RETREG2: variants seen among roughly 807,000 people sequenced by gnomAD.
RETREG2 encodes the protein reticulophagy regulator family member 2.
Under a neutral mutation model 51.6 loss-of-function variants are expected in RETREG2, and 21 were observed. The ratio of observed to expected loss-of-function variants is 0.41; its 90% CI spans 0.29 to 0.59. RETREG2 has a LOEUF of 0.59. Ranked by LOEUF, RETREG2 falls within the 20% of genes least tolerant of loss-of-function variation. RETREG2 has a pLI of 0.34. For synonymous variants in RETREG2, 339 were observed against 288.6 expected (o/e 1.17, Z -1.77); for missense variants, 674 against 646.0 (o/e 1.04, Z -0.47).
rs180994186 is a variant in RETREG2, at chr2:219,183,979, G to A, written c.*1350G>A. 6.6e-6 allele frequency: 1 copy of A among 152,202 alleles called. No homozygotes were observed. The highest frequency in any genetic ancestry group is 2.4e-5 in the African/African-American group (1 of 41,442). 9.4% of individuals were successfully genotyped at this position (152,202 alleles called of 1,614,324 possible). ...AACAGTTACTGAGTCCATTGTATGT[G>A]CTTGGCTCTGCTCTGAGTGATTTAT... On this transcript the variant is annotated 3_prime_UTR_variant, in exon 9 of 9. Transcript: ENST00000430297.
chr2:219,178,683 G>T, intron 1 of RETREG2, 50 bp downstream of exon 1: 1 of 1,410,118 alleles, frequency 7.1e-7, no homozygotes, highest in Non-Finnish European at 9.2e-7. Context: ...GGGGAGGGAG[G>T]GGTCGAGAGC....
intron 1 of RETREG2, 83 bp downstream of exon 1, chr2:219,178,716 C>T (rs1950226629): frequency 1.5e-6 from 2 of 1,376,190 alleles, no homozygotes; most frequent in Non-Finnish European, 9.5e-7. Context: ...TCTGGGTTAT[C>T]ACTTGGCCTG....
At chr2:219,180,925 G>T in intron 5 of RETREG2, 137 bp from the exon 6 acceptor site, 1 of 1,363,468 alleles carries the variant, frequency 7.3e-7, no homozygotes. Flanking sequence ...GAGGGCAGTG[G>T]ATGTGGCAAG....
In RETREG2 at chr2:219,181,408, C is replaced by A. The variant is rs778991231; in HGVS notation, c.824C>A (p.Pro275Gln). 6.2e-7 allele frequency: 1 copy of A among 1,614,076 alleles called. No homozygotes were observed. Among genetic ancestry groups the A allele is most frequent in the Non-Finnish European group, 8.5e-7 (1 of 1,180,016 alleles). The change falls in exon 7 of 9, where the codon CCA (proline) becomes CAA (glutamine). Residue 275 changes from proline (P) to glutamine (Q), a missense_variant. Pro to Gln is a moderately conservative substitution (Grantham distance 76). Coordinates refer to ENST00000430297, the MANE Select transcript of RETREG2 (RefSeq NM_024293.6). Reference protein sequence around the residue: ...GKNAPPGGDEPLAETESESEA... With the variant: ...GKNAPPGGDEQLAETESESEA... ...AATGCACCCCCAGGAGGTGATGAGC[C>A]ACTGGCAGAGACAGAGAGTGAAAGC...
chr2:219,185,072 C>G lies in RETREG2; in HGVS notation c.*2443C>G, dbSNP rs2106403797. 6.6e-6 allele frequency: 1 copy of G among 152,114 alleles called. No individual in the cohort carries two copies. Among genetic ancestry groups the G allele is most frequent in the East Asian group, 1.9e-4 (1 of 5,182 alleles). The allele number at this position is 152,114 out of a possible 1,614,324, so 9.4% of individuals were successfully genotyped here. On this transcript the variant is annotated 3_prime_UTR_variant, in exon 9 of 9. Coordinates refer to ENST00000430297, the MANE Select transcript of RETREG2 (RefSeq NM_024293.6). The stretch of plus-strand genomic sequence containing the variant: ...GAACTCCTGACCTCAGGTGATTCAC[C>G]CACCTCGGCCTCCCAAAGTGCTGGG...
chr2:219,184,398 G>A lies in RETREG2; in HGVS notation c.*1769G>A, dbSNP rs1950322088. 6.6e-6 allele frequency: 1 copy of A among 151,950 alleles called. No homozygotes were observed. The highest frequency in any genetic ancestry group is 6.6e-5 in the Admixed American group (1 of 15,246). 9.4% of individuals were successfully genotyped at this position (151,950 alleles called of 1,614,324 possible). A position where few individuals can be genotyped will look rare whatever the true frequency, so the allele number is the denominator to read the frequency against. On this transcript the variant is annotated 3_prime_UTR_variant, in exon 9 of 9. Transcript: ENST00000430297. ...GCTGGAGGTACCATATGGTAATGCT[G>A]CCTGGCTGTCTGCTGGAGGTACCAT...
In RETREG2 at chr2:219,183,654, A is replaced by G. The variant is rs907783158; in HGVS notation, c.*1025A>G. On this transcript the variant is annotated 3_prime_UTR_variant, in exon 9 of 9. Transcript: ENST00000430297. ...ACCTTGACAACCCTAGCTTCTCCTT[A>G]GCCATCTTCCTTGACAGTGTGATCT... 2.0e-5 allele frequency: 3 copies of G among 152,134 alleles called. No individual in the cohort carries two copies. Among genetic ancestry groups the G allele is most frequent in the African/African-American group, 7.3e-5 (3 of 41,366 alleles). 9.4% of individuals were successfully genotyped at this position (152,134 alleles called of 1,614,324 possible). A position where few individuals can be genotyped will look rare whatever the true frequency, so the allele number is the denominator to read the frequency against.
chr2:219,184,351 T>C lies in RETREG2; in HGVS notation c.*1722T>C, dbSNP rs1040606544. On this transcript the variant is annotated 3_prime_UTR_variant, in exon 9 of 9. Coordinates refer to ENST00000430297, the MANE Select transcript of RETREG2 (RefSeq NM_024293.6). ...TCCGCCTTCAGCTGGAGGTACCATATGGCGATGCTACCTGTCTTTCTGCTG... is the reference window on the plus strand; with the variant it reads ...TCCGCCTTCAGCTGGAGGTACCATACGGCGATGCTACCTGTCTTTCTGCTG... 13 of 152,242 alleles carry C rather than the reference T, an allele frequency of 8.5e-5. No individual in the cohort carries two copies. Among genetic ancestry groups the C allele is most frequent in the Non-Finnish European group, 1.8e-4 (12 of 68,040 alleles). The allele number at this position is 152,242 out of a possible 1,614,324, so 9.4% of individuals were successfully genotyped here.
intron 2 of RETREG2, among the ~76,000 whole-genome samples, chr2:219,179,366 T>G (rs1476508968): frequency 6.6e-6 from 1 of 152,234 alleles, no homozygotes; most frequent in Non-Finnish European, 1.5e-5. Flanking sequence ...TAGAACTTAC[T>G]TCATAGAGAG....
At position 219,178,455 on chromosome 2, in the gene RETREG2, G is replaced by A; in HGVS notation, c.103G>A (p.Ala35Thr). The change falls in exon 1 of 9, where the codon GCC becomes ACC. Residue 35 changes from alanine (A) to threonine (T), a missense_variant. Physicochemically the swap from Ala to Thr is moderately conservative, Grantham distance 58 (BLOSUM62 0). Coordinates refer to ENST00000430297, the MANE Select transcript of RETREG2 (RefSeq NM_024293.6). ...GGGTCTGAGCCTAGGCATGAGTGAG[G>A]CCACCAGTGAGGCAGAGGAGGAGGC... ...GLGLSLGMSE[A>T]TSEAEEEAAT... 1 of 848,318 alleles carries A rather than the reference G, an allele frequency of 1.2e-6. No homozygotes were observed. The highest frequency in any genetic ancestry group is 1.8e-6 in the Non-Finnish European group (1 of 569,914). The allele number at this position is 848,318 out of a possible 1,614,324, so 52.5% of individuals were successfully genotyped here. A position where few individuals can be genotyped will look rare whatever the true frequency, so the allele number is the denominator to read the frequency against.
intron 2 of RETREG2, 113 bp from the exon 3 acceptor site, chr2:219,179,620 G>A (rs1950247104): frequency 1.1e-6 from 1 of 934,128 alleles, no homozygotes; most frequent in Non-Finnish European, 1.8e-6. Context: ...TCCCCCATTG[G>A]CATCTGAAGA....
chr2:219,181,536 C>G, intron 7 of RETREG2, 73 bp downstream of exon 7: 1 of 1,600,536 alleles, frequency 6.2e-7, no homozygotes, highest in African/African-American at 1.3e-5. Flanking sequence ...GAGCTGCCAC[C>G]TCCAAAGGAG....
chr2:219,178,671 C>T (rs1950225487), intron 1 of RETREG2, 38 bp downstream of exon 1: 3 of 1,142,540 alleles, frequency 2.6e-6, no homozygotes, highest in Non-Finnish European at 3.4e-6. Flanking sequence ...CCGGGATGAG[C>T]GGGGGAGGGA....
rs553654245 is a variant in RETREG2 at position 219,183,571 on chromosome 2, C to G, written c.*942C>G. The G allele has an allele frequency of 1.3e-5, 2 of 152,354 alleles. No individual in the cohort carries two copies. Among genetic ancestry groups the G allele is most frequent in the Admixed American group, 6.5e-5 (1 of 15,288 alleles). The allele number at this position is 152,354 out of a possible 1,614,324, so 9.4% of individuals were successfully genotyped here. ...CTCTCCTCACCCTTAACCTGCTTCA[C>G]TCCAGTCTGTTCTGGCTGTTTATTA... On this transcript the variant is annotated 3_prime_UTR_variant, in exon 9 of 9. Coordinates refer to ENST00000430297, the MANE Select transcript of RETREG2 (RefSeq NM_024293.6).
At position 219,182,940 on chromosome 2, in the gene RETREG2, G is replaced by GC; in HGVS notation, c.*315dup. The GC allele has an allele frequency of 2.6e-6, 1 of 390,752 alleles. No individual in the cohort carries two copies. The highest frequency in any genetic ancestry group is 3.7e-5 in the South Asian group (1 of 27,134). The allele number at this position is 390,752 out of a possible 1,614,324, so 24.2% of individuals were successfully genotyped here. On this transcript the variant is annotated 3_prime_UTR_variant, in exon 9 of 9. Coordinates refer to ENST00000430297, the MANE Select transcript of RETREG2 (RefSeq NM_024293.6). Reference sequence around the variant, plus strand: ...CTCATCTCTATTCTCATTCCACTATGCCCCAAGCCCTGGTGGTCTGGCCCT... The same window carrying GC: ...CTCATCTCTATTCTCATTCCACTATGCCCCCAAGCCCTGGTGGTCTGGCCCT...
Position 219,179,005 on chromosome 2 carries a change from C to T in RETREG2, c.365C>T (p.Pro122Leu), listed in dbSNP as rs757528871. 9 of 1,612,826 alleles carry T rather than the reference C, an allele frequency of 5.6e-6. No individual in the cohort carries two copies. The South Asian group carries it at 7.7e-5, about 14-fold the overall frequency. ...LAYFLLDLWQPRFLPDVSASS... is the reference protein window; with the variant it reads ...LAYFLLDLWQLRFLPDVSASS... ...TATTTTCTGCTGGATCTCTGGCAGCCTCGCTTTCTCCCTGACGTTTCAGGT... is the reference window on the plus strand; with the variant it reads ...TATTTTCTGCTGGATCTCTGGCAGCTTCGCTTTCTCCCTGACGTTTCAGGT... Residue 122 changes from proline (P) to leucine (L), a missense_variant, in exon 2 of 9, where the codon CCT becomes CTT. By Grantham distance (98) the Pro-to-Leu change is moderately conservative. Transcript: ENST00000430297.
At chr2:219,180,854 A>C in intron 5 of RETREG2, 100 bp downstream of exon 5, 1 of 1,427,462 alleles carries the variant, frequency 7.0e-7, no homozygotes, top group Non-Finnish European at 9.8e-7. Flanking sequence ...TCAGTTTCTG[A>C]TTTGTGGAGA....
At position 219,182,687 on chromosome 2, in the gene RETREG2, C is replaced by T. The variant is rs1051696226; in HGVS notation, c.*58C>T. On this transcript the variant is annotated 3_prime_UTR_variant, in exon 9 of 9. Transcript: ENST00000430297. ...TAGGGCTTCCTGGCTAGGAGTGTTG[C>T]TGTTTCCTCCTTTGCCTACCACTCT... The T allele has an allele frequency of 1.1e-5, 17 of 1,577,020 alleles. No individual in the cohort carries two copies. The highest frequency in any genetic ancestry group is 1.5e-5 in the Non-Finnish European group (17 of 1,159,382).
Position 219,178,544 on chromosome 2 carries a change from G to A in RETREG2, c.192G>A (p.Glu64=), listed in dbSNP as rs1273500780. The change falls in exon 1 of 9, where the codon GAG becomes GAA. Residue 64 remains glutamate, a synonymous_variant. Coordinates refer to ENST00000430297, the MANE Select transcript of RETREG2 (RefSeq NM_024293.6). ...TTLWLRLRGW[E]AVLAAAQRLL... is the part of the protein sequence containing the mutation. Reference sequence around the variant, plus strand: ...TGTGGCTGCGGCTCCGCGGCTGGGAGGCGGTGCTGGCGGCGGCGCAGCGGT... The same window carrying A: ...TGTGGCTGCGGCTCCGCGGCTGGGAAGCGGTGCTGGCGGCGGCGCAGCGGT... 1 of 1,442,280 alleles carries A rather than the reference G, an allele frequency of 6.9e-7. No individual in the cohort carries two copies. The highest frequency in any genetic ancestry group is 9.0e-7 in the Non-Finnish European group (1 of 1,106,092). The allele number at this position is 1,442,280 out of a possible 1,614,324, so 89.3% of individuals were successfully genotyped here. A position where few individuals can be genotyped will look rare whatever the true frequency, so the allele number is the denominator to read the frequency against.
Sources: gnomAD v4.1 joint callset for allele counts (sites outside exome capture counted in the v4.1 genomes callset) on GRCh38, gnomAD v4.1.1 for gene constraint, MANE v1.5 for transcripts, NCBI Gene and HGNC (gene_info 2026-07-23, HGNC 2026-07-21) for gene names.